SLC35F3: variants seen among roughly 807,000 people sequenced by gnomAD.
SLC35F3 encodes the protein solute carrier family 35 member F3, also known as putative thiamine transporter SLC35F3.
In SLC35F3, 25 loss-of-function variants were observed where a neutral mutation model predicts 49.9. That is an observed-to-expected ratio of 0.50 (90% CI 0.37 to 0.70). The LOEUF is 0.70. Among genes scored for constraint, SLC35F3 ranks in the 30% least tolerant of loss-of-function variants. The pLI, the probability that SLC35F3 is intolerant of heterozygous loss-of-function variation, is 0.00. For synonymous variants in SLC35F3, 275 were observed against 265.4 expected (o/e 1.04, Z -0.35); for missense variants, 525 against 639.8 (o/e 0.82, Z 1.94).
At position 234,042,648 on chromosome 1, in the gene SLC35F3, G is replaced by A. The variant is rs577779736; in HGVS notation, c.283+136890G>A. 2.6e-5 allele frequency among the ~76,000 whole-genome samples: 4 copies of A among 152,294 alleles called. No individual in the cohort carries two copies. The East Asian group carries it at 5.8e-4, about 22-fold the overall frequency. Reference sequence around the variant, plus strand: ...ATACAACCACAGAGGATATGGGAATGAAAGAAAGTTCCATAATCACAACAT... The same window carrying A: ...ATACAACCACAGAGGATATGGGAATAAAAGAAAGTTCCATAATCACAACAT... On this transcript the variant is annotated intron_variant, in intron 2 of 7. Coordinates refer to ENST00000366618, the MANE Select transcript of SLC35F3 (RefSeq NM_173508.4).
intron 2 of SLC35F3, among the ~76,000 whole-genome samples, chr1:234,199,566 T>A (rs1277391040): frequency 6.6e-6 from 1 of 152,178 alleles, no homozygotes; most frequent in Non-Finnish European, 1.5e-5. Context: ...GAGAAAGACT[T>A]TGTGACATTG....
At chr1:233,971,793 A>G (rs1385056232) in intron 2 of SLC35F3, among the ~76,000 whole-genome samples, 2 of 151,744 alleles carry the variant, frequency 1.3e-5, no homozygotes, top group Non-Finnish European at 2.9e-5. Context: ...ACGGTTGACC[A>G]AAGACCAGTC....
intron 3 of SLC35F3, among the ~76,000 whole-genome samples, chr1:234,256,251 A>G (rs1572118572): frequency 6.6e-6 from 1 of 152,206 alleles, no homozygotes; most frequent in East Asian, 1.9e-4. Context: ...TAAAAAGTGA[A>G]TTAAGTAAAT....
intron 2 of SLC35F3, among the ~76,000 whole-genome samples, chr1:234,042,414 A>G (rs6661187): frequency 0.27 from 41,395 of 152,064 alleles, 6,941 homozygotes; most frequent in African/African-American, 0.48. Context: ...ATCTATGATC[A>G]TGGTCTTTAG....
intron 2 of SLC35F3, among the ~76,000 whole-genome samples, chr1:234,182,642 A>C (rs566996007): frequency 6.6e-6 from 1 of 152,366 alleles, no homozygotes; most frequent in East Asian, 1.9e-4. Context: ...GGACAATGCC[A>C]AATTCCTCTT....
rs371739992 is a variant in SLC35F3 at position 234,200,926 on chromosome 1, A to T, written c.284-30491A>T. 3.9e-5 allele frequency among the ~76,000 whole-genome samples: 6 copies of T among 152,290 alleles called. No homozygotes were observed. The East Asian group carries it at 9.6e-4, about 24-fold the overall frequency. ...AGCCATAGTTTTTTGTTTCTCTATC[A>T]TCCTCTTAGTTTTATTCCTTCCTGT... On this transcript the variant is annotated intron_variant, in intron 2 of 7. Transcript: ENST00000366618.
chr1:233,989,711 T>C (rs1663323283), intron 2 of SLC35F3, among the ~76,000 whole-genome samples: 1 of 152,164 alleles, frequency 6.6e-6, no homozygotes, highest in East Asian at 1.9e-4. Flanking sequence ...TAGAAACAAA[T>C]TTTGTAACCA....
rs1197719827 is a variant in SLC35F3, at chr1:234,214,836, C to A, written c.284-16581C>A. ...CCAACCCTCTCCTTCCTGGGCAGCA[C>A]CCAGCGCATCTGGCAGCAGCTGCAC... On this transcript the variant is annotated intron_variant, in intron 2 of 7. Transcript: ENST00000366618. This position sits in a 1 kb window ranked among gnomAD's most constrained non-coding sequence, Gnocchi z 8.0. The A allele has an allele frequency of 2.4e-6, 1 of 419,698 alleles. No individual in the cohort carries two copies. The highest frequency in any genetic ancestry group is 2.1e-5 in the African/African-American group (1 of 48,090). 26.0% of individuals were successfully genotyped at this position (419,698 alleles called of 1,614,324 possible).
At chr1:234,039,420 T>C (rs1271240565) in intron 2 of SLC35F3, among the ~76,000 whole-genome samples, 3 of 152,178 alleles carry the variant, frequency 2.0e-5, no homozygotes. Context: ...CAAAGTGCTA[T>C]GGGAGTCCCA....
chr1:234,165,947 G>A (rs145324792), intron 2 of SLC35F3, among the ~76,000 whole-genome samples: 353 of 152,138 alleles, frequency 2.3e-3, no homozygotes, highest in African/African-American at 7.6e-3. Context: ...GAGAACATGC[G>A]GTATTTGGTT....
In SLC35F3 at chr1:234,300,958, T is replaced by G. The variant is rs940015853; in HGVS notation, c.609-8143T>G. The stretch of plus-strand genomic sequence containing the variant: ...TAATCTATAGGCCATGGTGATAAAT[T>G]AGATGTGAAGACGAAAAAGGAGAAG... On this transcript the variant is annotated intron_variant, in intron 3 of 7. Transcript: ENST00000366618. Among the ~76,000 whole-genome samples the G allele has an allele frequency of 3.3e-5, 5 of 152,182 alleles. No homozygotes were observed. The East Asian group carries it at 9.6e-4, about 29-fold the overall frequency.
intron 2 of SLC35F3, among the ~76,000 whole-genome samples, chr1:234,193,360 A>G (rs1666758368): frequency 6.6e-6 from 1 of 152,240 alleles, no homozygotes; most frequent in South Asian, 2.1e-4. Context: ...ACCCTATTCA[A>G]CAAATGGTGT....
At chr1:234,246,371 G>A (rs1431598571) in intron 3 of SLC35F3, among the ~76,000 whole-genome samples, 1 of 152,150 alleles carries the variant, frequency 6.6e-6, no homozygotes, top group Non-Finnish European at 1.5e-5. Flanking sequence ...GGTTCCCCCA[G>A]ACTTCAGCTG....
chr1:234,226,298 C>T (rs952314036), intron 2 of SLC35F3, among the ~76,000 whole-genome samples: 1 of 152,134 alleles, frequency 6.6e-6, no homozygotes, highest in African/African-American at 2.4e-5. Context: ...TTGAGTCACA[C>T]CAGCCAGCTG....
chr1:234,318,646 T>C (rs1657546846), intron 5 of SLC35F3, 105 bp from the exon 6 acceptor site: 1 of 953,638 alleles, frequency 1.0e-6, no homozygotes, highest in Non-Finnish European at 1.6e-6. Context: ...CTGGTTTCCA[T>C]CCTGCAGTGC....
chr1:234,224,304 C>A (rs1188122977), intron 2 of SLC35F3, among the ~76,000 whole-genome samples: 1 of 152,176 alleles, frequency 6.6e-6, no homozygotes, highest in Non-Finnish European at 1.5e-5. Context: ...TGGGCTCAAG[C>A]AATCCACCCA....
At chr1:234,114,142 G>A (rs558736643) in intron 2 of SLC35F3, among the ~76,000 whole-genome samples, 1 of 152,334 alleles carries the variant, frequency 6.6e-6, no homozygotes, top group African/African-American at 2.4e-5. Flanking sequence ...AGTCTTATGA[G>A]CCAGTATGAG....
chr1:234,192,145 C>T (rs1666741061), intron 2 of SLC35F3, among the ~76,000 whole-genome samples: 1 of 151,910 alleles, frequency 6.6e-6, no homozygotes, highest in Admixed American at 6.6e-5. Context: ...CAGGAAAGGA[C>T]ATAATAAAAA....
intron 2 of SLC35F3, among the ~76,000 whole-genome samples, chr1:233,979,356 A>G (rs1407087321): frequency 6.6e-6 from 1 of 152,200 alleles, no homozygotes; most frequent in Admixed American, 6.5e-5. Context: ...GGCCCACAGG[A>G]ATAATAAAAG....
Sources: allele counts gnomAD v4.1 joint callset (sites outside exome capture counted in the v4.1 genomes callset), GRCh38; gene constraint gnomAD v4.1.1; non-coding constraint Gnocchi (gnomAD v3.1); transcripts MANE v1.5; gene names NCBI Gene and HGNC (gene_info 2026-07-23, HGNC 2026-07-21).